The following VAV3 variants were observed in gnomAD, a reference collection of about 807,000 sequenced individuals.
The protein encoded by VAV3 is vav guanine nucleotide exchange factor 3.
A neutral mutation model predicts 131.2 loss-of-function variants in VAV3; 94 were observed. That is an observed-to-expected ratio of 0.72 (90% confidence interval 0.61 to 0.85). VAV3 has a LOEUF of 0.85. Among genes scored for constraint, VAV3 ranks in the 40% least tolerant of loss-of-function variants. The probability of loss-of-function intolerance (pLI) is 0.00; values close to 1 mark genes in which losing one functional copy is unlikely to be tolerated. For missense variants in VAV3, 939 were observed against 1,002.7 expected (o/e 0.94, Z 0.86); for synonymous variants, 349 against 342.0 (o/e 1.02, Z -0.22).
At chr1:107,862,640 G>A (rs1183540239) in intron 2 of VAV3, 1 of 151,376 alleles carries the variant, frequency 6.6e-6, no homozygotes, top group African/African-American at 2.4e-5. Flanking sequence ...AGCAAATGAA[G>A]ACTCAATGAC....
chr1:107,775,572 A>G (rs1268225187), intron 4 of VAV3, among the ~76,000 whole-genome samples: 3 of 86,924 alleles, frequency 3.5e-5, no homozygotes, highest in African/African-American at 4.9e-5. Context: ...AGCAAGACTC[A>G]GTCACAAAAA....
At chr1:107,907,520 G>C (rs1672163106) in intron 1 of VAV3, among the ~76,000 whole-genome samples, 1 of 152,164 alleles carries the variant, frequency 6.6e-6, no homozygotes, top group African/African-American at 2.4e-5. Context: ...CTGAAAAGTA[G>C]GAACTTTAGG....
intron 2 of VAV3, among the ~76,000 whole-genome samples, chr1:107,807,713 C>T (rs1163018612): frequency 6.6e-6 from 1 of 152,206 alleles, no homozygotes; most frequent in African/African-American, 2.4e-5. Flanking sequence ...CAAAAAGATG[C>T]TAGCAATCCA....
intron 15 of VAV3, among the ~76,000 whole-genome samples, chr1:107,721,133 G>C (rs1191377178): frequency 5.3e-5 from 8 of 152,126 alleles, no homozygotes; most frequent in African/African-American, 1.9e-4. Flanking sequence ...CATGCTTCGA[G>C]ACTAAATTTA....
chr1:107,804,668 G>A (rs1666978125), intron 2 of VAV3, among the ~76,000 whole-genome samples: 1 of 152,134 alleles, frequency 6.6e-6, no homozygotes, highest in South Asian at 2.1e-4. Flanking sequence ...AGTTATGAGT[G>A]TATTGTACAT....
At chr1:107,781,027 T>C (rs1211721011) in intron 2 of VAV3, among the ~76,000 whole-genome samples, 2 of 152,110 alleles carry the variant, frequency 1.3e-5, no homozygotes, top group African/African-American at 4.8e-5. Context: ...CTGTAGAAGG[T>C]TCATGAGAGT....
intron 1 of VAV3, among the ~76,000 whole-genome samples, chr1:107,907,999 T>C (rs916614953): frequency 6.6e-6 from 1 of 152,170 alleles, no homozygotes; most frequent in South Asian, 2.1e-4. Flanking sequence ...CAGTTGTAAG[T>C]AGCATACGTG....
At position 107,639,936 on chromosome 1, in the gene VAV3, T is replaced by TA. The variant is rs35664876; in HGVS notation, c.1914+2682dup. Among the ~76,000 whole-genome samples, 400 of 139,088 alleles carry TA rather than the reference T, an allele frequency of 2.9e-3. 1 individual carries two copies. Among genetic ancestry groups the TA allele is most frequent in the South Asian group, 6.0e-3 (26 of 4,326 alleles). The allele number at this position is 139,088 out of a possible 152,430, so 91.2% of individuals were successfully genotyped here. On this transcript the variant is annotated intron_variant, in intron 20 of 26. Transcript: ENST00000370056. ...GGGCAACAGAGGAAGACCCTGTATT[T>TA]AAAAAAAAAAAAAAAAGAATGACCA...
chr1:107,841,688 T>G (rs1668715988), intron 2 of VAV3, among the ~76,000 whole-genome samples: 2 of 152,224 alleles, frequency 1.3e-5, no homozygotes, highest in South Asian at 4.1e-4. Flanking sequence ...TTTTCATTTA[T>G]TATGCTAAAA....
intron 19 of VAV3, among the ~76,000 whole-genome samples, chr1:107,653,497 T>C (rs1224446313): frequency 2.0e-5 from 3 of 152,082 alleles, no homozygotes; most frequent in African/African-American, 7.2e-5. Flanking sequence ...TTTCAAACTC[T>C]GAGGATCCGC....
chr1:107,743,640 G>C (rs1459290343), intron 15 of VAV3, among the ~76,000 whole-genome samples: 1 of 152,144 alleles, frequency 6.6e-6, no homozygotes, highest in Non-Finnish European at 1.5e-5. Context: ...ATAAATATTT[G>C]CAGAATGAAT....
chr1:107,923,483 ACTG>A (rs950847698), intron 1 of VAV3, among the ~76,000 whole-genome samples: 3 of 152,116 alleles, frequency 2.0e-5, no homozygotes, highest in African/African-American at 4.8e-5. Flanking sequence ...CCGTTCTCAC[ACTG>A]CTATTAAAAA....
intron 15 of VAV3, among the ~76,000 whole-genome samples, chr1:107,712,951 C>T (rs541831327): frequency 1.1e-4 from 17 of 152,170 alleles, no homozygotes; most frequent in African/African-American, 2.6e-4. Context: ...GGAAGAATTT[C>T]GGGACAGAGG....
intron 2 of VAV3, among the ~76,000 whole-genome samples, chr1:107,796,109 A>ACTCCTTGG (rs1666525071): frequency 6.6e-6 from 1 of 152,054 alleles, no homozygotes; most frequent in Non-Finnish European, 1.5e-5. Context: ...CAAACAGTAT[A>ACTCCTTGG]ACAAAGTGAC....
At chr1:107,855,311 C>T (rs113000017) in intron 2 of VAV3, among the ~76,000 whole-genome samples, 129 of 152,270 alleles carry the variant, frequency 8.5e-4, no homozygotes, top group African/African-American at 3.0e-3. Flanking sequence ...GAGTCTTGCT[C>T]TGTCACCCAG....
At chr1:107,677,021 G>A (rs1045713316) in intron 19 of VAV3, among the ~76,000 whole-genome samples, 1 of 152,024 alleles carries the variant, frequency 6.6e-6, no homozygotes, top group African/African-American at 2.4e-5. Flanking sequence ...AAGGAAAAAC[G>A]ATCCATAAAA....
intron 24 of VAV3, among the ~76,000 whole-genome samples, chr1:107,600,964 G>A (rs1327035871): frequency 6.6e-6 from 1 of 152,132 alleles, no homozygotes; most frequent in Non-Finnish European, 1.5e-5. Flanking sequence ...TAACACTGTG[G>A]AGCAGCCTCA....
In VAV3 at chr1:107,785,479, G is replaced by T. The variant is rs767386560; in HGVS notation, c.322-5987C>A. The T allele has an allele frequency of 4.5e-6, 6 of 1,323,566 alleles. No homozygotes were observed. In the East Asian group the frequency reaches 2.6e-4, roughly 57 times the overall value. 82.0% of individuals were successfully genotyped at this position (1,323,566 alleles called of 1,614,324 possible). ...TTACAGGGAGGTGGGCTCTGCAAGG[G>T]CAATCAGGCAGCTGCATGCTAGAGC... On this transcript the variant is annotated intron_variant, in intron 2 of 26. Transcript: ENST00000370056.
At chr1:107,754,713 T>C (rs1387311811) in intron 12 of VAV3, among the ~76,000 whole-genome samples, 2 of 152,180 alleles carry the variant, frequency 1.3e-5, no homozygotes, top group Non-Finnish European at 2.9e-5. Context: ...CATCCTTCCC[T>C]TCACTCTCCA....
Sources: gnomAD v4.1 joint callset for allele counts (sites outside exome capture counted in the v4.1 genomes callset) on GRCh38, gnomAD v4.1.1 for gene constraint, MANE v1.5 for transcripts, NCBI Gene and HGNC (gene_info 2026-07-23, HGNC 2026-07-21) for gene names.